Variants in ICE1 observed in about 807,000 individuals in gnomAD.
The protein encoded by ICE1 is little elongation complex subunit 1.
In ICE1, 64 loss-of-function variants were observed where a neutral mutation model predicts 192.7. The ratio of observed to expected loss-of-function variants is 0.33; its 90% CI spans 0.27 to 0.41. ICE1 has a LOEUF of 0.41. Among genes scored for constraint, ICE1 ranks in the 10% least tolerant of loss-of-function variants. The pLI is 1.00. For missense variants in ICE1, 2,708 were observed against 2,696.0 expected, an observed-to-expected ratio of 1.00 and a Z score of -0.10; for synonymous variants, 1,010 against 984.5, an observed-to-expected ratio of 1.03 and a Z score of -0.49.
Position 5,490,047 on chromosome 5 carries a change from T to C in ICE1, c.*717T>C, listed in dbSNP as rs1207707491. The C allele has an allele frequency of 2.6e-5, 4 of 152,212 alleles. No individual in the cohort carries two copies. The highest frequency in any genetic ancestry group is 6.5e-5 in the Admixed American group (1 of 15,282). The allele number at this position is 152,212 out of a possible 1,614,324, so 9.4% of individuals were successfully genotyped here. On this transcript the variant is annotated 3_prime_UTR_variant, in exon 19 of 19. Transcript: ENST00000296564. ...CAGAGCTCTGTGTGCCGTGTACATA[T>C]GGACCGTGCTATGATGTGTCTCACA...
intron 7 of ICE1, among the ~76,000 whole-genome samples, chr5:5,447,204 C>T (rs999190767): frequency 1.3e-5 from 2 of 152,070 alleles, no homozygotes; most frequent in Admixed American, 1.3e-4. Context: ...TTCTTAAGGC[C>T]TGCGCTAGTT....
Position 5,464,504 on chromosome 5 carries a change from G to T in ICE1, c.5170G>T (p.Ala1724Ser), listed in dbSNP as rs757887103. Residue 1724 changes from alanine (A) to serine (S), a missense_variant, in exon 13 of 19, where the codon GCA (alanine) becomes TCA (serine). Transcript: ENST00000296564. The surrounding 1 kb of genome is among the most constrained non-coding windows in gnomAD (Gnocchi z 4.0). ...GTTCTGTGCGGCCACGCCGAAGCAC[G>T]CACTTCCTGTGCCTGGCCGACTCCC... ...LQFCAATPKH[A>S]LPVPGRLPPC... is the part of the protein sequence containing the mutation. 1.2e-6 allele frequency: 2 copies of T among 1,613,890 alleles called. No individual in the cohort carries two copies. The highest frequency in any genetic ancestry group is 1.7e-6 in the Non-Finnish European group (2 of 1,179,860).
At position 5,469,089 on chromosome 5, in the gene ICE1, TTTC is replaced by T. The variant is rs1302011108; in HGVS notation, c.6222+107_6222+109del. ...TAGTTTTATATTAGTTCATAGGCAT[TTTC>T]TTCTTTCTAGATCTTTTAAAATTTA... is the stretch of plus-strand genomic sequence containing the variant. On this transcript the variant is annotated intron_variant, in intron 15 of 18. Coordinates refer to ENST00000296564, the MANE Select transcript of ICE1 (RefSeq NM_015325.3). 12 of 795,830 alleles carry T rather than the reference TTTC, an allele frequency of 1.5e-5. No homozygotes were observed. In the Admixed American group the frequency reaches 3.0e-4, roughly 20 times the overall value. The allele number at this position is 795,830 out of a possible 1,614,324, so 49.3% of individuals were successfully genotyped here. A position where few individuals can be genotyped will look rare whatever the true frequency, so the allele number is the denominator to read the frequency against.
chr5:5,434,101 A>T (rs529621457), intron 1 of ICE1, among the ~76,000 whole-genome samples: 1 of 152,356 alleles, frequency 6.6e-6, no homozygotes, highest in South Asian at 2.1e-4. Context: ...GGAGAAAAAT[A>T]CATATTCAAA....
chr5:5,438,173 C>T (rs956315414), intron 3 of ICE1, among the ~76,000 whole-genome samples: 6 of 152,164 alleles, frequency 3.9e-5, no homozygotes, highest in Admixed American at 3.9e-4. Flanking sequence ...CAGAGCGAAG[C>T]GGGGAAAAGC....
intron 14 of ICE1, among the ~76,000 whole-genome samples, chr5:5,466,706 A>C (rs1317053740): frequency 2.0e-5 from 3 of 152,224 alleles, no homozygotes; most frequent in African/African-American, 7.2e-5. Context: ...CCACTTGTAA[A>C]TAAATGAGTA....
rs1354645580 is a variant in ICE1, at chr5:5,441,258, C to A, written c.309+35C>A. ...ATAATTTTCTGTAAAGATTTACGGTCAATAAATTAGGATGAGCTTATTCGG... is the reference window on the plus strand; with the variant it reads ...ATAATTTTCTGTAAAGATTTACGGTAAATAAATTAGGATGAGCTTATTCGG... On this transcript the variant is annotated intron_variant, in intron 5 of 18. Transcript: ENST00000296564. 6 of 1,324,560 alleles carry A rather than the reference C, an allele frequency of 4.5e-6. No individual in the cohort carries two copies. The South Asian group carries it at 5.1e-5, about 11-fold the overall frequency. The allele number at this position is 1,324,560 out of a possible 1,614,324, so 82.1% of individuals were successfully genotyped here.
intron 14 of ICE1, among the ~76,000 whole-genome samples, chr5:5,468,214 T>C (rs143345925): frequency 6.6e-6 from 1 of 152,318 alleles, no homozygotes; most frequent in African/African-American, 2.4e-5. Flanking sequence ...AACTAATGTA[T>C]AGTGACAATA....
chr5:5,457,394 A>AC lies in ICE1; in HGVS notation c.755dup (p.Gln253ThrfsTer41), dbSNP rs754718212. 1 of 1,613,746 alleles carries AC rather than the reference A, an allele frequency of 6.2e-7. No homozygotes were observed. The highest frequency in any genetic ancestry group is 8.5e-7 in the Non-Finnish European group (1 of 1,179,806). ...TGGGGAAGATGGTACGCTACCTCCA[A>AC]CACAGGGCAGCCCTCTCAGGACCTC... On this transcript the variant is annotated frameshift_variant, in exon 12 of 19. Transcript: ENST00000296564. LOFTEE classifies it high-confidence loss of function.
chr5:5,470,804 G>C (rs971425264), intron 15 of ICE1, among the ~76,000 whole-genome samples: 1 of 152,056 alleles, frequency 6.6e-6, no homozygotes, highest in African/African-American at 2.4e-5. Flanking sequence ...TTGAAATTGA[G>C]ATATACATTC....
intron 17 of ICE1, 57 bp from the exon 18 acceptor site, chr5:5,486,664 A>G: frequency 8.3e-7 from 1 of 1,205,972 alleles, no homozygotes; most frequent in Admixed American, 2.0e-5. Context: ...TTAAATTCTT[A>G]GGAAAAGTTA....
Position 5,460,824 on chromosome 5 carries a change from C to G in ICE1, c.1490C>G (p.Thr497Ser). The change falls in exon 13 of 19, where the codon ACT becomes AGT. Residue 497 changes from threonine (T) to serine (S), a missense_variant. By Grantham distance (58) the Thr-to-Ser change is moderately conservative. Transcript: ENST00000296564. The part of the protein sequence containing the change: ...EVREMDKSVQ[T>S]EKTIHKLTRG... ...AGGGAGATGGATAAGTCAGTACAAA[C>G]TGAGAAGACCATTCATAAACTCACT... 1 of 1,614,028 alleles carries G rather than the reference C, an allele frequency of 6.2e-7. No homozygotes were observed. The highest frequency in any genetic ancestry group is 1.1e-5 in the South Asian group (1 of 91,088).
In ICE1 at chr5:5,468,854, T is replaced by G; in HGVS notation, c.6088T>G (p.Leu2030Val). The change falls in exon 15 of 19, where the codon TTG becomes GTG. Residue 2030 changes from leucine (L) to valine (V), a missense_variant. Around this residue, in one of 2 missense-constraint regions of ICE1, gnomAD observed 342 missense variants for 419.3 expected, o/e 0.82. Transcript: ENST00000296564. ...EDFPESEKLT[L>V]FIANMWHDIF... ...TTTTCCGGAGTCTGAAAAATTAACT[T>G]TGTTTATTGCAAACATGTGGCATGA... 6.3e-7 allele frequency: 1 copy of G among 1,587,732 alleles called. No homozygotes were observed. The highest frequency in any genetic ancestry group is 8.6e-7 in the Non-Finnish European group (1 of 1,169,376).
chr5:5,425,103 T>C (rs1737482438), intron 1 of ICE1, among the ~76,000 whole-genome samples: 1 of 152,234 alleles, frequency 6.6e-6, no homozygotes, highest in Admixed American at 6.5e-5. Flanking sequence ...GCTCTTTTTT[T>C]CTCATAACCT....
At chr5:5,434,827 T>C (rs1157167245) in intron 1 of ICE1, among the ~76,000 whole-genome samples, 1 of 152,364 alleles carries the variant, frequency 6.6e-6, no homozygotes, top group South Asian at 2.1e-4. Flanking sequence ...TTTATTTTAG[T>C]CTAGCCTAGT....
At chr5:5,430,079 G>A (rs903119846) in intron 1 of ICE1, among the ~76,000 whole-genome samples, 5 of 152,312 alleles carry the variant, frequency 3.3e-5, no homozygotes, top group African/African-American at 9.6e-5. Context: ...CTAAGAGAAA[G>A]CGATAATCGA....
At chr5:5,429,776 A>G (rs1193715373) in intron 1 of ICE1, among the ~76,000 whole-genome samples, 2 of 152,274 alleles carry the variant, frequency 1.3e-5, no homozygotes, top group Middle Eastern at 3.4e-3. Flanking sequence ...TACTTCCCCA[A>G]GAAAGGAAGG....
intron 17 of ICE1, among the ~76,000 whole-genome samples, chr5:5,484,394 A>G (rs1194805404): frequency 1.3e-5 from 2 of 152,234 alleles, no homozygotes; most frequent in African/African-American, 4.8e-5. Context: ...CTAGATGTGC[A>G]TCCCTTTCTC....
At chr5:5,444,388 G>T in intron 7 of ICE1, 62 bp downstream of exon 7, 1 of 1,119,780 alleles carries the variant, frequency 8.9e-7, no homozygotes, top group South Asian at 1.4e-5. Context: ...GTAACTGTAT[G>T]AGGAGGTACT....
Sources: gnomAD v4.1 joint callset for allele counts (sites outside exome capture counted in the v4.1 genomes callset) on GRCh38, gnomAD v4.1.1 for gene constraint, gnomAD v4.1.1 regional missense constraint, Gnocchi (gnomAD v3.1) non-coding constraint, MANE v1.5 for transcripts, NCBI Gene and HGNC (gene_info 2026-07-23, HGNC 2026-07-21) for gene names.